The following GRIK4 variants were observed in gnomAD, a reference collection of about 807,000 sequenced individuals.
The protein encoded by GRIK4 is glutamate ionotropic receptor kainate type subunit 4, also known as glutamate receptor ionotropic, kainate 4.
In GRIK4, 40 loss-of-function variants were observed where a neutral mutation model predicts 104.9. The observed-to-expected ratio is 0.38, with a 90% confidence interval of 0.30 to 0.50. The LOEUF (loss-of-function observed/expected upper bound fraction) is 0.50. GRIK4 is among the 20% of genes least tolerant of loss of function. The probability of loss-of-function intolerance (pLI) is 0.93; values close to 1 mark genes in which losing one functional copy is unlikely to be tolerated. For missense variants in GRIK4, 1,047 were observed against 1,308.1 expected (o/e 0.80, Z 3.08); for synonymous variants, 485 against 524.9 (o/e 0.92, Z 1.04).
intron 3 of GRIK4, among the ~76,000 whole-genome samples, chr11:120,715,060 T>C (rs1950803305): frequency 1.3e-5 from 2 of 152,208 alleles, no homozygotes; most frequent in Admixed American, 6.5e-5. Flanking sequence ...GTGTCCACCC[T>C]GTAGGTAACT....
intron 3 of GRIK4, among the ~76,000 whole-genome samples, chr11:120,689,995 T>G (rs1950333162): frequency 6.6e-6 from 1 of 152,218 alleles, no homozygotes; most frequent in South Asian, 2.1e-4. Flanking sequence ...CAGGTGTCTC[T>G]TATTGTAATT....
chr11:120,962,976 G>A, intron 18 of GRIK4: 2 of 259,362 alleles, frequency 7.7e-6, no homozygotes, highest in Non-Finnish European at 1.4e-5. Flanking sequence ...GCATGTTAAT[G>A]TCTTTGGTGT....
At chr11:120,551,125 A>G (rs570862952) in intron 1 of GRIK4, among the ~76,000 whole-genome samples, 135 of 152,216 alleles carry the variant, frequency 8.9e-4, no homozygotes, top group Admixed American at 8.8e-3. Context: ...CCCAACATAC[A>G]TGGAGGGAGG....
chr11:120,824,735 G>C (rs1369384534), intron 6 of GRIK4, among the ~76,000 whole-genome samples: 1 of 151,342 alleles, frequency 6.6e-6, no homozygotes, highest in Non-Finnish European at 1.5e-5. Context: ...TTTTTTTGTA[G>C]AGACAGGTTT....
intron 1 of GRIK4, among the ~76,000 whole-genome samples, chr11:120,556,735 A>C (rs1472811743): frequency 6.6e-6 from 1 of 152,166 alleles, no homozygotes; most frequent in Non-Finnish European, 1.5e-5. Context: ...TATACACAAG[A>C]GGAACACGTT....
At chr11:120,917,822 A>G (rs753953142) in intron 13 of GRIK4, among the ~76,000 whole-genome samples, 8 of 152,182 alleles carry the variant, frequency 5.3e-5, no homozygotes, top group Non-Finnish European at 8.8e-5. Flanking sequence ...GAAACTTATC[A>G]GTTCTTGGGA....
At chr11:120,747,224 CAATT>C (rs1163496463) in intron 3 of GRIK4, among the ~76,000 whole-genome samples, 2 of 152,170 alleles carry the variant, frequency 1.3e-5, no homozygotes, top group African/African-American at 4.8e-5. Flanking sequence ...AATAAACAAA[CAATT>C]AGTGAGTGAG....
intron 3 of GRIK4, among the ~76,000 whole-genome samples, chr11:120,759,310 G>C (rs758474264): frequency 6.6e-6 from 1 of 152,198 alleles, no homozygotes; most frequent in Non-Finnish European, 1.5e-5. Context: ...GGCTTCCACA[G>C]TAGGAGGTCT....
intron 3 of GRIK4, among the ~76,000 whole-genome samples, chr11:120,698,018 G>A (rs1950483642): frequency 6.6e-6 from 1 of 152,104 alleles, no homozygotes. Flanking sequence ...CCAGAGCTAA[G>A]GTGACATCAA....
rs563428309 is a variant in GRIK4, at chr11:120,524,559, C to G, written c.-159+12672C>G. On this transcript the variant is annotated intron_variant, in intron 1 of 20. Transcript: ENST00000527524. This position sits in a 1 kb window ranked among gnomAD's most constrained non-coding sequence, Gnocchi z 4.5. ...GACCTTGGCTCCAGGCACTTTACCCCCTCCTCGAACCCAGATGAGCCTGGC... is the reference window on the plus strand; with the variant it reads ...GACCTTGGCTCCAGGCACTTTACCCGCTCCTCGAACCCAGATGAGCCTGGC... Among the ~76,000 whole-genome samples the G allele has an allele frequency of 3.3e-5, 5 of 152,288 alleles. No homozygotes were observed. The East Asian group carries it at 9.6e-4, about 29-fold the overall frequency.
chr11:120,850,796 C>CATT (rs60692595), intron 8 of GRIK4, among the ~76,000 whole-genome samples: 12,999 of 144,678 alleles, frequency 0.09, 767 homozygotes, highest in African/African-American at 0.15. Context: ...TGGCAAATCA[C>CATT]ATTATTATTA....
chr11:120,774,450 C>A (rs895009937), intron 3 of GRIK4, among the ~76,000 whole-genome samples: 1 of 152,096 alleles, frequency 6.6e-6, no homozygotes, highest in Non-Finnish European at 1.5e-5. Context: ...GCTGGAGACC[C>A]AAGGAGGATT....
intron 1 of GRIK4, among the ~76,000 whole-genome samples, chr11:120,543,818 A>G (rs1245355168): frequency 6.6e-6 from 1 of 152,242 alleles, no homozygotes; most frequent in East Asian, 1.9e-4. Context: ...ATAAAGAAGA[A>G]GATCCTACCT....
At chr11:120,658,911 G>T (rs1949765681) in intron 2 of GRIK4, among the ~76,000 whole-genome samples, 3 of 151,856 alleles carry the variant, frequency 2.0e-5, no homozygotes, top group South Asian at 2.1e-4. Flanking sequence ...ACCACACCTG[G>T]CTAATTTTTT....
chr11:120,756,485 CTT>C (rs1240763638), intron 3 of GRIK4, among the ~76,000 whole-genome samples: 2 of 152,218 alleles, frequency 1.3e-5, no homozygotes, highest in East Asian at 1.9e-4. Flanking sequence ...AAACCCCTCT[CTT>C]GTTTGTGGTT....
At chr11:120,948,336 A>G (rs11218074) in intron 14 of GRIK4, among the ~76,000 whole-genome samples, 36,132 of 152,170 alleles carry the variant, frequency 0.24, 4,514 homozygotes, top group East Asian at 0.36. Context: ...GGGAGGGGAT[A>G]GAGTTTCAGG....
intron 14 of GRIK4, among the ~76,000 whole-genome samples, chr11:120,945,495 A>G (rs1247263323): frequency 6.6e-6 from 1 of 152,200 alleles, no homozygotes. Context: ...GACAGGAAGG[A>G]AGGAGGGCAG....
intron 1 of GRIK4, chr11:120,515,116 C>G: frequency 2.2e-6 from 1 of 448,012 alleles, no homozygotes; most frequent in Admixed American, 2.4e-5. Flanking sequence ...CTGGCATGAT[C>G]TTGTCCCCCC....
At position 120,525,331 on chromosome 11, in the gene GRIK4, C is replaced by T. The variant is rs575224901; in HGVS notation, c.-159+13444C>T. 8.5e-5 allele frequency among the ~76,000 whole-genome samples: 13 copies of T among 152,236 alleles called. No individual in the cohort carries two copies. In the South Asian group the frequency reaches 1.4e-3, roughly 17 times the overall value. ...GAGGTTTGAAATGGGGTCCCCTGGC[C>T]GCTAGTGCCTTTGGTATCATACCTT... On this transcript the variant is annotated intron_variant, in intron 1 of 20. Transcript: ENST00000527524.
Sources: allele counts gnomAD v4.1 joint callset (sites outside exome capture counted in the v4.1 genomes callset), GRCh38; gene constraint gnomAD v4.1.1; non-coding constraint Gnocchi (gnomAD v3.1); transcripts MANE v1.5; gene names NCBI Gene and HGNC (gene_info 2026-07-23, HGNC 2026-07-21).